Variants in PSME4 observed in about 807,000 individuals in gnomAD.
PSME4 encodes the protein proteasome activator subunit 4.
PSME4 carries 89 observed loss-of-function variants against 253.9 expected under a neutral mutation model. The ratio of observed to expected loss-of-function variants is 0.35; its 90% CI spans 0.30 to 0.42. The LOEUF is 0.42. Ranked by LOEUF, PSME4 falls within the 10% of genes least tolerant of loss-of-function variation. PSME4 has a pLI of 1.00. For missense variants in PSME4, 2,014 were observed against 2,195.2 expected (o/e 0.92, Z 1.65); for synonymous variants, 851 against 759.2 (o/e 1.12, Z -1.99).
In PSME4 at chr2:53,932,558, A is replaced by G. The variant is rs575977918; in HGVS notation, c.1050+110T>C. ...TAAATGTAAGCATTTACATATAGCT[A>G]AAGCTATGAAGGACAGAAAATGTAT... On this transcript the variant is annotated intron_variant, in intron 9 of 46. Coordinates refer to ENST00000404125, the MANE Select transcript of PSME4 (RefSeq NM_014614.3). The G allele has an allele frequency of 3.1e-5, 27 of 880,228 alleles. 1 individual carries two copies. In the South Asian group the frequency reaches 3.7e-4, roughly 12 times the overall value. 54.5% of individuals were successfully genotyped at this position (880,228 alleles called of 1,614,324 possible). A position where few individuals can be genotyped will look rare whatever the true frequency, so the allele number is the denominator to read the frequency against.
chr2:53,898,440 T>A, intron 29 of PSME4, 86 bp from the exon 30 acceptor site: 1 of 1,066,230 alleles, frequency 9.4e-7, no homozygotes, highest in Non-Finnish European at 1.3e-6. Context: ...CTAGCCAATT[T>A]CACCCTCCTT....
At chr2:53,919,428 A>G (rs1184339759) in intron 19 of PSME4, among the ~76,000 whole-genome samples, 182 bp from the exon 20 acceptor site, 6 of 152,248 alleles carry the variant, frequency 3.9e-5, no homozygotes, top group Admixed American at 3.9e-4. Context: ...TGCTAACACT[A>G]TGCCTGCTTA....
rs558913253 is a variant in PSME4, at chr2:53,943,711, G to A, written c.501-3711C>T. On this transcript the variant is annotated intron_variant, in intron 3 of 46. Transcript: ENST00000404125. ...CAAAAAATTAGCTGGGTGTGGTGGC[G>A]CACACCTGTAATCCCAGCTACTCAG... 6.6e-5 allele frequency among the ~76,000 whole-genome samples: 10 copies of A among 151,764 alleles called. No homozygotes were observed. In the East Asian group the frequency reaches 7.8e-4, roughly 12 times the overall value.
At chr2:53,951,586 C>T (rs1351759318) in intron 1 of PSME4, among the ~76,000 whole-genome samples, 3 of 152,138 alleles carry the variant, frequency 2.0e-5, no homozygotes, top group Non-Finnish European at 2.9e-5. Context: ...AGCAATGAGA[C>T]GTGAGATCTT....
At chr2:53,961,528 C>A (rs1670494962) in intron 1 of PSME4, among the ~76,000 whole-genome samples, 1 of 152,058 alleles carries the variant, frequency 6.6e-6, no homozygotes, top group African/African-American at 2.4e-5. Flanking sequence ...ATAATAAAAA[C>A]CTAGCTGGGT....
At chr2:53,868,168 G>T (rs1418427157) in intron 44 of PSME4, among the ~76,000 whole-genome samples, 1 of 151,804 alleles carries the variant, frequency 6.6e-6, no homozygotes, top group Non-Finnish European at 1.5e-5. Flanking sequence ...AAAAAACAGA[G>T]TTCTCAGGCC....
chr2:53,866,648 T>C (rs1678578118), intron 45 of PSME4, 99 bp downstream of exon 45: 1 of 1,303,628 alleles, frequency 7.7e-7, no homozygotes, highest in Non-Finnish European at 1.0e-6. Context: ...AGCAGCTTTA[T>C]GAAAGCAGTT....
At chr2:53,905,808 C>T (rs936206031) in intron 26 of PSME4, among the ~76,000 whole-genome samples, 1 of 152,058 alleles carries the variant, frequency 6.6e-6, no homozygotes, top group African/African-American at 2.4e-5. Flanking sequence ...CAGAGAGAGA[C>T]CTTGTCTCAA....
intron 40 of PSME4, among the ~76,000 whole-genome samples, chr2:53,886,910 A>G (rs1264366152): frequency 1.3e-5 from 2 of 152,220 alleles, no homozygotes; most frequent in Non-Finnish European, 2.9e-5. Context: ...CCAGACACAA[A>G]AAAGACTTAT....
intron 3 of PSME4, among the ~76,000 whole-genome samples, chr2:53,945,410 T>C (rs1055375589): frequency 1.3e-5 from 2 of 152,116 alleles, no homozygotes; most frequent in Admixed American, 6.6e-5. Context: ...CAATTCTTTC[T>C]CCAGTAGAAA....
Position 53,925,970 on chromosome 2 carries a change from C to T in PSME4, c.1647G>A (p.Gln549=), listed in dbSNP as rs145255789. 1 of 1,613,198 alleles carries T rather than the reference C, an allele frequency of 6.2e-7. No homozygotes were observed. The highest frequency in any genetic ancestry group is 1.3e-5 in the African/African-American group (1 of 75,038). ...ATAEFEDFVL[Q]FMDRCFGLIE... ...GGTTACAAGCTCACCTGTCCATAAA[C>T]TGTAAGACGAAATCCTCAAATTCAG... Residue 549 remains glutamine (Q), a synonymous_variant, in exon 13 of 47, where the codon CAG becomes CAA. Transcript: ENST00000404125.
At chr2:53,900,490 G>A (rs1680347080) in intron 28 of PSME4, among the ~76,000 whole-genome samples, 1 of 152,028 alleles carries the variant, frequency 6.6e-6, no homozygotes, top group African/African-American at 2.4e-5. Flanking sequence ...GGATGATTAT[G>A]CCACTGCACT....
rs557625811 is a variant in PSME4, at chr2:53,945,491, C to A, written c.500+2930G>T. On this transcript the variant is annotated intron_variant, in intron 3 of 46. Transcript: ENST00000404125. ...TAGAGGCAAAAAGACAGACAGAAAG[C>A]TAGAAGGAGGAAGGAAGAGAAGAAA... Among the ~76,000 whole-genome samples, 4 of 151,216 alleles carry A rather than the reference C, an allele frequency of 2.6e-5. No homozygotes were observed. In the South Asian group the frequency reaches 8.4e-4, roughly 32 times the overall value.
At chr2:53,966,102 T>C (rs1488241573) in intron 1 of PSME4, among the ~76,000 whole-genome samples, 2 of 152,020 alleles carry the variant, frequency 1.3e-5, no homozygotes, top group Non-Finnish European at 1.5e-5. Context: ...CTGGGCAACA[T>C]GGCAAAACCC....
chr2:53,898,305 T>G lies in PSME4; in HGVS notation c.3472A>C (p.Asn1158His), dbSNP rs1318607595. Residue 1158 changes from asparagine (N) to histidine (H), a missense_variant, in exon 30 of 47, where the codon AAC becomes CAC. By Grantham distance (68) the Asn-to-His change is moderately conservative. Coordinates refer to ENST00000404125, the MANE Select transcript of PSME4 (RefSeq NM_014614.3). ...DTLLDGVEQR[N>H]LPWKFEHIGI... is the part of the protein sequence containing the mutation. Reference sequence around the variant, plus strand: ...ACAAAAATCTTTTGCACTTACAGGTTTCTTTGCTCCACACCATCTAGCAAG... The same window carrying G: ...ACAAAAATCTTTTGCACTTACAGGTGTCTTTGCTCCACACCATCTAGCAAG... The G allele has an allele frequency of 6.2e-7, 1 of 1,605,884 alleles. No homozygotes were observed. The highest frequency in any genetic ancestry group is 8.5e-7 in the Non-Finnish European group (1 of 1,177,036).
chr2:53,957,680 A>G (rs1413773629), intron 1 of PSME4, among the ~76,000 whole-genome samples: 1 of 152,188 alleles, frequency 6.6e-6, no homozygotes, highest in Non-Finnish European at 1.5e-5. Context: ...AGAGATTCCC[A>G]CCAAATAAGC....
Position 53,901,525 on chromosome 2 carries a change from C to A in PSME4, c.3110G>T (p.Gly1037Val), listed in dbSNP as rs1680398337. ...ATCATGAAGGTTTGCCAAGCACACA[C>A]CACTGTGATTTCCAAGGAGACAGTA... Reference protein sequence around the residue: ...ALYCLLGNHSGVCLANLHDWD... With the variant: ...ALYCLLGNHSVVCLANLHDWD... The change falls in exon 28 of 47, where the codon GGT (glycine) becomes GTT (valine). Residue 1037 changes from glycine (G) to valine (V), a missense_variant. Gly to Val is a moderately radical substitution (Grantham distance 109). Around this residue, in one of 4 missense-constraint regions of PSME4, gnomAD observed 989 missense variants for 1,021.1 expected, o/e 0.97. Coordinates refer to ENST00000404125, the MANE Select transcript of PSME4 (RefSeq NM_014614.3). 1 of 1,612,906 alleles carries A rather than the reference C, an allele frequency of 6.2e-7. No individual in the cohort carries two copies. The highest frequency in any genetic ancestry group is 1.1e-5 in the South Asian group (1 of 91,064).
intron 3 of PSME4, among the ~76,000 whole-genome samples, chr2:53,942,586 A>G (rs976700497): frequency 5.9e-5 from 9 of 152,130 alleles, no homozygotes; most frequent in African/African-American, 1.9e-4. Context: ...TCTCATCAAT[A>G]TAAGCAATAA....
intron 10 of PSME4, among the ~76,000 whole-genome samples, chr2:53,929,227 T>C (rs1204103041): frequency 6.6e-6 from 1 of 152,032 alleles, no homozygotes; most frequent in African/African-American, 2.4e-5. Flanking sequence ...TCCTAATCTA[T>C]ATTATACTAA....
Sources: allele counts gnomAD v4.1 joint callset (sites outside exome capture counted in the v4.1 genomes callset), GRCh38; gene constraint gnomAD v4.1.1; regional missense constraint gnomAD v4.1.1; transcripts MANE v1.5; gene names NCBI Gene and HGNC (gene_info 2026-07-23, HGNC 2026-07-21).